The following NLRP7 variants were observed in gnomAD, a reference collection of about 807,000 sequenced individuals.
NLRP7 encodes the protein NLR family pyrin domain containing 7, also known as NACHT, LRR and PYD domains-containing protein 7.
In NLRP7, 72 loss-of-function variants were observed where a neutral mutation model predicts 85.5. That is an observed-to-expected ratio of 0.84 (90% CI 0.70 to 1.02). The LOEUF is 1.02. NLRP7 is among the 50% of genes least tolerant of loss of function. The pLI, the probability that NLRP7 is intolerant of heterozygous loss-of-function variation, is 0.00. For synonymous variants in NLRP7, 550 were observed against 505.2 expected (o/e 1.09, Z -1.19); for missense variants, 1,243 against 1,219.5 (o/e 1.02, Z -0.29).
chr19:54,965,535 A>G (rs2070333214), intron 1 of NLRP7, among the ~76,000 whole-genome samples: 1 of 94,690 alleles, frequency 1.1e-5, no homozygotes, highest in African/African-American at 4.5e-5. Context: ...TGCTCACTGC[A>G]AGCTCCGCCT....
intron 1 of NLRP7, chr19:54,953,345 T>A (rs2069732812): frequency 6.6e-6 from 1 of 151,498 alleles, no homozygotes; most frequent in East Asian, 1.9e-4. Context: ...CGTGAGAGGG[T>A]CGTGATCGAC....
chr19:54,959,160 A>T, intron 1 of NLRP7, among the ~76,000 whole-genome samples: 1 of 128,510 alleles, frequency 7.8e-6, no homozygotes, highest in Non-Finnish European at 1.7e-5. Context: ...TTTTTTTGAG[A>T]CAGAGTCTTG....
At chr19:54,939,872 G>A (rs1189615591) in exon 4 of NLRP7, 5 of 1,613,954 alleles carry the variant, frequency 3.1e-6, no homozygotes, top group Non-Finnish European at 4.2e-6. Context: ...TACGTAGATC[G>A]GCTGCTGCGC....
At chr19:54,940,952 C>T in exon 3 of NLRP7, 1 of 1,612,824 alleles carries the variant, frequency 6.2e-7, no homozygotes, top group Non-Finnish European at 8.5e-7. Flanking sequence ...AACTCCGAGT[C>T]TTCTTCTGCA....
upstream of NLRP7, chr19:54,948,986 G>C (rs1179437130): frequency 6.2e-6 from 1 of 162,214 alleles, no homozygotes; most frequent in Non-Finnish European, 1.4e-5. Flanking sequence ...ATAGAAATAG[G>C]CACTATGGAG....
chr19:54,938,927 TCCAGGAACACCCCCTTTGCTA>T lies in NLRP7; in HGVS notation c.1871_1891del (p.Val624_Leu630del), dbSNP rs779858303. 1.9e-6 allele frequency: 3 copies of T among 1,614,194 alleles called. No individual in the cohort carries two copies. The South Asian group carries it at 3.3e-5, about 18-fold the overall frequency. On this transcript the variant is annotated inframe_deletion, in exon 4 of 10. Transcript: ENST00000340844. ...GTCCAGTTCAAAATCCATGTAATTC[TCCAGGAACACCCCCTTTGCTA>T]CCTGCAGTGAGAGTTTCTGCAAGTC... is the stretch of plus-strand genomic sequence containing the variant.
chr19:54,931,828 G>A (rs1399638645), intron 8 of NLRP7, among the ~76,000 whole-genome samples: 2 of 130,430 alleles, frequency 1.5e-5, no homozygotes, highest in Non-Finnish European at 3.2e-5. Flanking sequence ...CCAGCCTGGT[G>A]ACAGAGAGAG....
chr19:54,934,488 C>G lies in NLRP7; in HGVS notation c.2471+1G>C. ...GCTGCCCATGGGAAGAGGAGACTTA[C>G]GACAACATCTGCAGGAAGTGTTTTG... On this transcript the variant is annotated splice_donor_variant, in intron 7 of 9. Transcript: ENST00000340844. LOFTEE classifies it high-confidence loss of function. This position sits in a 1 kb window ranked among gnomAD's most constrained non-coding sequence, Gnocchi z 6.7. The G allele has an allele frequency of 6.2e-7, 1 of 1,614,014 alleles. No homozygotes were observed. Among genetic ancestry groups the G allele is most frequent in the South Asian group, 1.1e-5 (1 of 91,076 alleles).
At chr19:54,925,949 G>A (rs972114886) in intron 9 of NLRP7, among the ~76,000 whole-genome samples, 8 of 151,372 alleles carry the variant, frequency 5.3e-5, no homozygotes, top group African/African-American at 9.7e-5. Context: ...GCAGTGAGCC[G>A]AGATCGCACC....
upstream of NLRP7, among the ~76,000 whole-genome samples, chr19:54,950,268 T>C (rs2069626930): frequency 1.3e-5 from 2 of 152,170 alleles, no homozygotes; most frequent in Admixed American, 1.3e-4. Context: ...GCTGTTCATT[T>C]GTATCCTTTA....
chr19:54,962,752 A>G (rs1226487434), intron 1 of NLRP7, among the ~76,000 whole-genome samples: 3 of 149,944 alleles, frequency 2.0e-5, no homozygotes, highest in Admixed American at 6.7e-5. Context: ...GGCGCCCGCC[A>G]CCACGCCCGG....
chr19:54,930,070 G>A (rs565834197), intron 9 of NLRP7, among the ~76,000 whole-genome samples: 2 of 144,938 alleles, frequency 1.4e-5, no homozygotes, highest in Non-Finnish European at 1.5e-5. Context: ...AGCCGAGATC[G>A]CGCCACTGCA....
chr19:54,947,746 T>C, upstream of NLRP7: 1 of 916,988 alleles, frequency 1.1e-6, no homozygotes, highest in Non-Finnish European at 1.5e-6. Flanking sequence ...GAGATTAATG[T>C]GCAATTCCCT....
chr19:54,945,366 G>A (rs951315665), intron 1 of NLRP7, among the ~76,000 whole-genome samples: 3 of 149,932 alleles, frequency 2.0e-5, no homozygotes, highest in African/African-American at 7.3e-5. Flanking sequence ...CTCTTCCCGG[G>A]TTCAAGCGAT....
chr19:54,953,522 CGGGCTGTCTGCTTGTGG>C lies in NLRP7; in HGVS notation c.-76-6034_-76-6018del, dbSNP rs1569542142. ...AACTACCAGGCCCAGGGTGTGGCGC[CGGGCTGTCTGCTTGTGG>C]ATTTCATTCCTGGGCCGCGGGGCTG... On this transcript the variant is annotated intron_variant, in intron 1 of 2. Coordinates refer to the NLRP7 transcript ENST00000587103. Among the ~76,000 whole-genome samples the C allele has an allele frequency of 4.6e-5, 7 of 151,446 alleles. No individual in the cohort carries two copies. The East Asian group carries it at 5.8e-4, about 13-fold the overall frequency.
chr19:54,953,418 A>C (rs1049519930), intron 1 of NLRP7: 1 of 152,176 alleles, frequency 6.6e-6, no homozygotes, highest in Non-Finnish European at 1.5e-5. Flanking sequence ...CAAACAAAAC[A>C]GGATAGGGAT....
chr19:54,952,712 C>T (rs915350408), intron 1 of NLRP7, among the ~76,000 whole-genome samples: 2 of 152,106 alleles, frequency 1.3e-5, no homozygotes, highest in Non-Finnish European at 2.9e-5. Context: ...CACAGTGACC[C>T]GGCAAATTGA....
At chr19:54,940,170 G>C in exon 4 of NLRP7, 2 of 1,614,210 alleles carry the variant, frequency 1.2e-6, no homozygotes, top group Non-Finnish European at 1.7e-6. Context: ...GGGCCCATGC[G>C]GCTGAGCTCC....
chr19:54,947,553 C>A, upstream of NLRP7: 1 of 1,289,652 alleles, frequency 7.8e-7, no homozygotes, highest in African/African-American at 1.5e-5. Flanking sequence ...CCTTGGTACG[C>A]TAGGTGGAGA....
Sources: gnomAD v4.1 joint callset for allele counts (sites outside exome capture counted in the v4.1 genomes callset) on GRCh38, gnomAD v4.1.1 for gene constraint, Gnocchi (gnomAD v3.1) non-coding constraint, MANE v1.5 for transcripts, NCBI Gene and HGNC (gene_info 2026-07-23, HGNC 2026-07-21) for gene names.